Variants in CEP70 observed in about 807,000 individuals in gnomAD.
CEP70 encodes the protein centrosomal protein of 70 kDa.
In CEP70, 70 loss-of-function variants were observed where a neutral mutation model predicts 90.9. That is an observed-to-expected ratio of 0.77 (90% CI 0.64 to 0.94). The LOEUF is 0.94. CEP70 is among the 40% of genes least tolerant of loss of function. The pLI is 0.00. For missense variants in CEP70, 648 were observed against 669.0 expected (o/e 0.97, Z 0.35); for synonymous variants, 220 against 228.3 (o/e 0.96, Z 0.33).
chr3:138,510,364 C>T (rs1301178585), intron 11 of CEP70, among the ~76,000 whole-genome samples: 1 of 151,496 alleles, frequency 6.6e-6, no homozygotes, highest in Non-Finnish European at 1.5e-5. Context: ...ACCTGGGAGG[C>T]AGGGGTTGCA....
chr3:138,563,255 A>T (rs2040541462), intron 6 of CEP70, among the ~76,000 whole-genome samples: 1 of 152,144 alleles, frequency 6.6e-6, no homozygotes, highest in African/African-American at 2.4e-5. Flanking sequence ...ATAGTGGGAG[A>T]CTTTAACACC....
chr3:138,508,522 TA>T lies in CEP70; in HGVS notation c.966del (p.His322GlnfsTer22), dbSNP rs745332881. 2.5e-6 allele frequency: 4 copies of T among 1,610,250 alleles called. No homozygotes were observed. Among genetic ancestry groups the T allele is most frequent in the African/African-American group, 2.7e-5 (2 of 74,826 alleles). On this transcript the variant is annotated frameshift_variant, in exon 12 of 18. Transcript: ENST00000264982. LOFTEE classifies it high-confidence loss of function. ...KNVKLQELIN[H>X]KKAEDTEKKD... The stretch of plus-strand genomic sequence containing the variant: ...TTCTTCTCTGTGTCCTCAGCCTTCT[TA>T]TGATTAATAAGCTCCTGTAATCTAA...
intron 11 of CEP70, among the ~76,000 whole-genome samples, chr3:138,511,026 TTTGTTG>T (rs34388430): frequency 6.7e-6 from 1 of 150,366 alleles, no homozygotes; most frequent in South Asian, 2.1e-4. Flanking sequence ...ATGCCCAGTT[TTTGTTG>T]TTGTTGTTGT....
chr3:138,499,754 T>C (rs2034306618), intron 16 of CEP70: 2 of 169,500 alleles, frequency 1.2e-5, no homozygotes, highest in Admixed American at 1.1e-4. Context: ...CTGGGCAACA[T>C]GGTGCAACCT....
At chr3:138,515,217 C>T (rs2108753991) in intron 11 of CEP70, among the ~76,000 whole-genome samples, 1 of 152,058 alleles carries the variant, frequency 6.6e-6, no homozygotes, top group East Asian at 1.9e-4. Context: ...CTTAAATGAT[C>T]AATATATAAC....
intron 6 of CEP70, among the ~76,000 whole-genome samples, chr3:138,552,070 A>G (rs759886601): frequency 6.6e-6 from 1 of 152,242 alleles, no homozygotes; most frequent in Non-Finnish European, 1.5e-5. Context: ...GTTAAAAAAC[A>G]GACAAACAGG....
intron 11 of CEP70, among the ~76,000 whole-genome samples, chr3:138,514,454 T>G (rs1446308071): frequency 1.3e-5 from 2 of 152,178 alleles, no homozygotes; most frequent in Admixed American, 6.5e-5. Context: ...TAAAACTGTT[T>G]CTTTTTTTTC....
chr3:138,523,460 G>C (rs1007935831), intron 11 of CEP70, among the ~76,000 whole-genome samples: 1 of 152,206 alleles, frequency 6.6e-6, no homozygotes, highest in African/African-American at 2.4e-5. Context: ...TGACATGATT[G>C]TATATCTAGA....
chr3:138,590,913 G>T (rs760046257), intron 2 of CEP70, among the ~76,000 whole-genome samples: 6 of 152,140 alleles, frequency 3.9e-5, no homozygotes, highest in Non-Finnish European at 5.9e-5. Context: ...GACTGGGATA[G>T]GGTAATGGAG....
At position 138,554,792 on chromosome 3, in the gene CEP70, T is replaced by G. The variant is rs929128847; in HGVS notation, c.465+15526A>C. ...AGACCTCTTCAGCAAATGAGTTTCT[T>G]GTAGATTCTGGATATTAGTCCTTTG... On this transcript the variant is annotated intron_variant, in intron 6 of 17. Coordinates refer to ENST00000264982, the MANE Select transcript of CEP70 (RefSeq NM_024491.4). 2.6e-4 allele frequency among the ~76,000 whole-genome samples: 39 copies of G among 152,200 alleles called. 1 individual carries two copies. Among genetic ancestry groups the G allele is most frequent in the African/African-American group, 8.9e-4 (37 of 41,460 alleles).
At position 138,565,220 on chromosome 3, in the gene CEP70, T is replaced by C. The variant is rs1242330640; in HGVS notation, c.465+5098A>G. 6.6e-5 allele frequency among the ~76,000 whole-genome samples: 10 copies of C among 152,244 alleles called. No homozygotes were observed. The East Asian group carries it at 1.9e-3, about 29-fold the overall frequency. ...AGGACACAAACAAATGGAAAAACAT[T>C]CCATGCTCATAGATAGGAAGAATCA... is the stretch of plus-strand genomic sequence containing the variant. On this transcript the variant is annotated intron_variant, in intron 6 of 17. Coordinates refer to ENST00000264982, the MANE Select transcript of CEP70 (RefSeq NM_024491.4).
At chr3:138,513,818 T>C (rs1054330843) in intron 11 of CEP70, among the ~76,000 whole-genome samples, 1 of 152,218 alleles carries the variant, frequency 6.6e-6, no homozygotes, top group Non-Finnish European at 1.5e-5. Flanking sequence ...AGGGACAGAC[T>C]TATTTAATCA....
chr3:138,498,226 T>C, intron 16 of CEP70, 116 bp from the exon 17 acceptor site: 3 of 686,868 alleles, frequency 4.4e-6, no homozygotes, highest in Non-Finnish European at 2.4e-6. Flanking sequence ...ATAAACTTAA[T>C]GATCATTTAC....
At chr3:138,515,467 CAAAAAAAAAA>C (rs145902706) in intron 11 of CEP70, among the ~76,000 whole-genome samples, 1 of 65,392 alleles carries the variant, frequency 1.5e-5, no homozygotes, top group African/African-American at 6.1e-5. Flanking sequence ...CATAGAAATG[CAAAAAAAAAA>C]AAAAAAAAAA....
intron 2 of CEP70, among the ~76,000 whole-genome samples, chr3:138,579,235 C>A (rs35269190): frequency 6.6e-6 from 1 of 152,018 alleles, no homozygotes; most frequent in Non-Finnish European, 1.5e-5. Context: ...GCCTTGCCAA[C>A]GTGAGTTAAA....
At chr3:138,585,783 T>C (rs185452746) in intron 2 of CEP70, among the ~76,000 whole-genome samples, 5 of 152,184 alleles carry the variant, frequency 3.3e-5, no homozygotes, top group Non-Finnish European at 7.4e-5. Flanking sequence ...AGAACATACA[T>C]TGGGGAAAGA....
chr3:138,497,532 T>C (rs1364931267), intron 17 of CEP70: 1 of 968,244 alleles, frequency 1.0e-6, no homozygotes, highest in Non-Finnish European at 1.2e-6. Context: ...ACACTACTAC[T>C]AATGAAGCCC....
intron 2 of CEP70, among the ~76,000 whole-genome samples, chr3:138,575,880 C>A (rs1379603185): frequency 3.3e-5 from 5 of 152,158 alleles, no homozygotes; most frequent in Non-Finnish European, 7.3e-5. Flanking sequence ...GAAATAAAAT[C>A]CTTTACAGAC....
intron 11 of CEP70, among the ~76,000 whole-genome samples, chr3:138,513,678 A>G (rs2035738684): frequency 6.6e-6 from 1 of 152,198 alleles, no homozygotes; most frequent in South Asian, 2.1e-4. Flanking sequence ...ACTTTGACTC[A>G]TTGGCCTAAC....
Sources: gnomAD v4.1 joint callset for allele counts (sites outside exome capture counted in the v4.1 genomes callset) on GRCh38, gnomAD v4.1.1 for gene constraint, MANE v1.5 for transcripts, NCBI Gene and HGNC (gene_info 2026-07-23, HGNC 2026-07-21) for gene names.